Variants in SLC18B1 observed in about 807,000 individuals in gnomAD.
The protein encoded by SLC18B1 is MFS-type transporter SLC18B1.
SLC18B1 carries 62 observed loss-of-function variants against 53.9 expected under a neutral mutation model. The ratio of observed to expected loss-of-function variants is 1.15; its 90% CI spans 0.94 to 1.42. The LOEUF is 1.42. Among genes scored for constraint, SLC18B1 ranks in the 40% most tolerant of loss-of-function variants. The pLI is 0.00. For missense variants in SLC18B1, 598 were observed against 547.3 expected, an observed-to-expected ratio of 1.09 and a Z score of -0.93; for synonymous variants, 217 against 200.9, an observed-to-expected ratio of 1.08 and a Z score of -0.68.
At position 132,770,057 on chromosome 6, in the gene SLC18B1, T is replaced by G; in HGVS notation, c.*213A>C. The G allele has an allele frequency of 2.6e-6, 1 of 390,086 alleles. No homozygotes were observed. Among genetic ancestry groups the G allele is most frequent in the Non-Finnish European group, 4.6e-6 (1 of 217,522 alleles). 24.2% of individuals were successfully genotyped at this position (390,086 alleles called of 1,614,324 possible). ...TTAATTACTCCTTTCATACTTAATA[T>G]TTCAAATATAGCTGCTTCAGCAGGA... On this transcript the variant is annotated 3_prime_UTR_variant, in exon 14 of 14. Coordinates refer to ENST00000275227, the MANE Select transcript of SLC18B1 (RefSeq NM_052831.3).
Position 132,798,484 on chromosome 6 carries a change from G to T in SLC18B1, c.-28C>A. On this transcript the variant is annotated 5_prime_UTR_variant, in exon 1 of 14. It adds an upstream start codon to the 5' untranslated region. Coordinates refer to ENST00000275227, the MANE Select transcript of SLC18B1 (RefSeq NM_052831.3). ...CCGGTGCGTGGACTCCGGCGCCCCA[G>T]CTCCCGGCTTCAAGCCACGTCCTTG... 6.8e-7 allele frequency: 1 copy of T among 1,481,284 alleles called. No individual in the cohort carries two copies. The highest frequency in any genetic ancestry group is 9.0e-7 in the Non-Finnish European group (1 of 1,111,576). The allele number at this position is 1,481,284 out of a possible 1,614,324, so 91.8% of individuals were successfully genotyped here.
rs1325765016 is a variant in SLC18B1 at position 132,787,589 on chromosome 6, G to C, written c.354-8C>G. On this transcript the variant is annotated splice_region_variant and splice_polypyrimidine_tract_variant and intron_variant, in intron 4 of 13. Coordinates refer to ENST00000275227, the MANE Select transcript of SLC18B1 (RefSeq NM_052831.3). ...GGAACTCGGTCCAATACACTAAAAA[G>C]GAATAAGACAATTCTGAAATGCCAA... 1 of 1,529,922 alleles carries C rather than the reference G, an allele frequency of 6.5e-7. No homozygotes were observed. The highest frequency in any genetic ancestry group is 2.4e-5 in the Admixed American group (1 of 42,366). 94.8% of individuals were successfully genotyped at this position (1,529,922 alleles called of 1,614,324 possible).
intron 6 of SLC18B1, among the ~76,000 whole-genome samples, chr6:132,782,281 TAAC>T (rs148259694): frequency 0.027 from 4,100 of 152,026 alleles, 166 homozygotes; most frequent in African/African-American, 0.094. Context: ...ATTTAAAAAA[TAAC>T]AAGTAAAAAT....
chr6:132,789,892 T>A (rs1262428852), intron 3 of SLC18B1, 55 bp from the exon 4 acceptor site: 3 of 1,237,710 alleles, frequency 2.4e-6, no homozygotes, highest in Non-Finnish European at 3.6e-6. Flanking sequence ...AAGTCTATAT[T>A]GATATAAACA....
chr6:132,792,225 C>CAAGAAAGAAAGAAAGAA (rs553756627), intron 2 of SLC18B1, among the ~76,000 whole-genome samples: 5 of 44,554 alleles, frequency 1.1e-4, no homozygotes, highest in African/African-American at 1.5e-4. Flanking sequence ...AAGACACTGT[C>CAAGAAAGAAAGAAAGAA]AGAAAGAAAG....
intron 5 of SLC18B1, among the ~76,000 whole-genome samples, chr6:132,785,012 AAG>A (rs1781332845): frequency 6.6e-6 from 1 of 151,642 alleles, no homozygotes; most frequent in East Asian, 1.9e-4. Flanking sequence ...GTAAAGAAAA[AAG>A]AGGGATACTG....
In SLC18B1 at chr6:132,790,267, T is replaced by G; in HGVS notation, c.189A>C (p.Glu63Asp). The G allele has an allele frequency of 3.2e-6, 5 of 1,550,528 alleles. No individual in the cohort carries two copies. Among genetic ancestry groups the G allele is most frequent in the Non-Finnish European group, 4.4e-6 (5 of 1,146,740 alleles). ...ILGPFFPKEA[E>D]KKGASNTIIG... ...TAATTGTATTGCTGGCTCCCTTCTTTTCAGCCTTTAAGTAATAGAAACGGA... is the reference window on the plus strand; with the variant it reads ...TAATTGTATTGCTGGCTCCCTTCTTGTCAGCCTTTAAGTAATAGAAACGGA... The change falls in exon 3 of 14, where the codon GAA (glutamate) becomes GAC (aspartate). Residue 63 changes from glutamate to aspartate, a missense_variant. Coordinates refer to ENST00000275227, the MANE Select transcript of SLC18B1 (RefSeq NM_052831.3).
At chr6:132,775,485 T>C (rs1781075440) in intron 8 of SLC18B1, among the ~76,000 whole-genome samples, 1 of 152,180 alleles carries the variant, frequency 6.6e-6, no homozygotes, top group Admixed American at 6.5e-5. Context: ...TTAAGATACT[T>C]GCTTTTTGAC....
chr6:132,772,146 T>A lies in SLC18B1; in HGVS notation c.1146A>T (p.Ala382=). ...TLGLVSGLFS[A]MWSIGAFMGP... is the part of the protein sequence containing the mutation. ...TGACTACTCACCCAATTGACCACATTGCACTAAAAAGACCTGATACAAGTC... is the reference window on the plus strand; with the variant it reads ...TGACTACTCACCCAATTGACCACATAGCACTAAAAAGACCTGATACAAGTC... The change falls in exon 11 of 14, where the codon GCA becomes GCT. Residue 382 remains alanine, a synonymous_variant. Coordinates refer to ENST00000275227, the MANE Select transcript of SLC18B1 (RefSeq NM_052831.3). 5.7e-6 allele frequency: 9 copies of A among 1,574,060 alleles called. No homozygotes were observed. The highest frequency in any genetic ancestry group is 7.7e-6 in the Non-Finnish European group (9 of 1,167,026).
chr6:132,774,380 A>G, intron 8 of SLC18B1, 67 bp from the exon 9 acceptor site: 1 of 1,227,666 alleles, frequency 8.1e-7, no homozygotes, highest in East Asian at 2.4e-5. Flanking sequence ...CAAACAACGT[A>G]AAACATTAGT....
chr6:132,772,277 G>T, intron 10 of SLC18B1, 71 bp from the exon 11 acceptor site: 1 of 849,678 alleles, frequency 1.2e-6, no homozygotes, highest in Non-Finnish European at 1.8e-6. Context: ...TTGTATGATA[G>T]ATCAATTAAG....
chr6:132,780,084 A>G (rs1781194304), intron 6 of SLC18B1, among the ~76,000 whole-genome samples: 1 of 147,670 alleles, frequency 6.8e-6, no homozygotes, highest in Non-Finnish European at 1.5e-5. Context: ...CATATCAGAC[A>G]TGAAAGCTTT....
intron 2 of SLC18B1, 117 bp downstream of exon 2, chr6:132,796,865 T>G (rs1781704797): frequency 9.1e-7 from 1 of 1,101,890 alleles, no homozygotes; most frequent in Admixed American, 3.0e-5. Flanking sequence ...CTATACACCA[T>G]CTGTCCTATA....
intron 10 of SLC18B1, 32 bp from the exon 11 acceptor site, chr6:132,772,238 T>A: frequency 7.1e-7 from 1 of 1,408,884 alleles, no homozygotes; most frequent in Non-Finnish European, 9.5e-7. Context: ...TATCCATTAT[T>A]AAAAGGAAAA....
Position 132,773,003 on chromosome 6 carries a change from T to C in SLC18B1, c.1075A>G (p.Ser359Gly). The C allele has an allele frequency of 6.2e-7, 1 of 1,612,994 alleles. No homozygotes were observed. The highest frequency in any genetic ancestry group is 8.5e-7 in the Non-Finnish European group (1 of 1,179,078). The change falls in exon 10 of 14, where the codon AGT becomes GGT. Residue 359 changes from serine (S) to glycine (G), a missense_variant. Coordinates refer to ENST00000275227, the MANE Select transcript of SLC18B1 (RefSeq NM_052831.3). The part of the protein sequence containing the change: ...SIIPTFPEIL[S>G]CAHENGFEEG... ...ATGGAAGTAACTTACTGTGCACAAC[T>C]GAGAATTTCCGGGAAAGTTGGAATT...
At chr6:132,790,639 C>T (rs1296233517) in intron 2 of SLC18B1, among the ~76,000 whole-genome samples, 3 of 152,198 alleles carry the variant, frequency 2.0e-5, no homozygotes, top group African/African-American at 7.2e-5. Flanking sequence ...GACACACTTC[C>T]TTTTGGGTAT....
intron 1 of SLC18B1, 35 bp from the exon 2 acceptor site, chr6:132,797,156 T>C (rs1781715881): frequency 5.6e-6 from 9 of 1,610,498 alleles, no homozygotes; most frequent in African/African-American, 1.3e-5. Flanking sequence ...AGGCATATAA[T>C]TGAGACTACT....
rs1325941967 is a variant in SLC18B1 at position 132,769,998 on chromosome 6, T to C, written c.*272A>G. On this transcript the variant is annotated 3_prime_UTR_variant, in exon 14 of 14. Transcript: ENST00000275227. ...CATCTTTAAGGACAAGTTTGGTCAT[T>C]TAAAAACTAAGTCTTGTTTTGTTTT... 1 of 260,908 alleles carries C rather than the reference T, an allele frequency of 3.8e-6. No homozygotes were observed. Among genetic ancestry groups the C allele is most frequent in the Non-Finnish European group, 7.2e-6 (1 of 138,526 alleles). The allele number at this position is 260,908 out of a possible 1,614,324, so 16.2% of individuals were successfully genotyped here.
intron 7 of SLC18B1, among the ~76,000 whole-genome samples, chr6:132,777,298 A>G (rs1191187949): frequency 1.3e-5 from 2 of 152,180 alleles, no homozygotes; most frequent in African/African-American, 4.8e-5. Context: ...TAGGGCCTAT[A>G]CTACCTCCCA....
Sources: allele counts gnomAD v4.1 joint callset (sites outside exome capture counted in the v4.1 genomes callset), GRCh38; gene constraint gnomAD v4.1.1; transcripts MANE v1.5; gene names NCBI Gene and HGNC (gene_info 2026-07-23, HGNC 2026-07-21).